CEMIP: variants seen among roughly 807,000 people sequenced by gnomAD.
CEMIP encodes the protein cell migration inducing hyaluronidase 1, also known as cell migration-inducing and hyaluronan-binding protein.
In CEMIP, 105 loss-of-function variants were observed where a neutral mutation model predicts 156.9. The ratio of observed to expected loss-of-function variants is 0.67; its 90% CI spans 0.57 to 0.79. CEMIP has a LOEUF of 0.79. Ranked by LOEUF, CEMIP falls within the 30% of genes least tolerant of loss-of-function variation. CEMIP has a pLI of 0.00. For synonymous variants in CEMIP, 676 were observed against 668.4 expected (o/e 1.01, Z -0.17); for missense variants, 1,457 against 1,769.4 (o/e 0.82, Z 3.17).
intron 1 of CEMIP, among the ~76,000 whole-genome samples, chr15:80,855,886 C>T (rs182044802): frequency 5.3e-5 from 8 of 152,320 alleles, no homozygotes; most frequent in African/African-American, 1.9e-4. Flanking sequence ...CATAGTAAGG[C>T]AGTTGTGTAG....
Position 80,931,997 on chromosome 15 carries a change from C to A in CEMIP, c.2751C>A (p.Cys917Ter). The A allele has an allele frequency of 6.2e-7, 1 of 1,614,110 alleles. No homozygotes were observed. Among genetic ancestry groups the A allele is most frequent in the South Asian group, 1.1e-5 (1 of 91,080 alleles). ...AFRLNNAWQS[C>*]PHNNVTGIAF... is the part of the protein sequence containing the mutation. ...GCCTGAATAATGCCTGGCAGAGCTG[C>A]CCCCATAACAACGTGACCGGCATTG... is the stretch of plus-strand genomic sequence containing the variant. Residue 917 changes from cysteine (C) to a stop codon, truncating the protein, a stop_gained, in exon 22 of 30, where the codon TGC (cysteine) becomes TGA (stop). Transcript: ENST00000394685. LOFTEE classifies it high-confidence loss of function.
intron 1 of CEMIP, among the ~76,000 whole-genome samples, chr15:80,792,159 G>A (rs1056700810): frequency 3.3e-5 from 5 of 152,160 alleles, no homozygotes; most frequent in African/African-American, 1.2e-4. Flanking sequence ...CAAAGGCTGG[G>A]TTCTTCCATT....
Position 80,942,274 on chromosome 15 carries a change from G to A in CEMIP, c.3636G>A (p.Glu1212=), listed in dbSNP as rs770916201. The change falls in exon 27 of 30, where the codon GAG becomes GAA. Residue 1212 remains glutamate (E), a synonymous_variant. Coordinates refer to ENST00000394685, the MANE Select transcript of CEMIP (RefSeq NM_001293298.2). The part of the protein sequence containing the change: ...SQLKTKDHFL[E]VKMESSKQHF... ...AGAAAACAAAGGACCATTTCTTGGA[G>A]GTGAAGATGGAGAGTTCCAAGCAGC... 1.4e-5 allele frequency: 23 copies of A among 1,614,158 alleles called. No individual in the cohort carries two copies. The highest frequency in any genetic ancestry group is 2.7e-5 in the African/African-American group (2 of 75,052).
At chr15:80,809,408 T>G (rs775320030) in intron 1 of CEMIP, among the ~76,000 whole-genome samples, 6 of 152,384 alleles carry the variant, frequency 3.9e-5, no homozygotes, top group African/African-American at 7.2e-5. Flanking sequence ...GACGGAGTGC[T>G]GCTATTAAAT....
intron 21 of CEMIP, among the ~76,000 whole-genome samples, chr15:80,930,908 A>G (rs780641696): frequency 1.3e-5 from 2 of 152,140 alleles, no homozygotes; most frequent in Admixed American, 6.5e-5. Context: ...ATAAGCATAC[A>G]TGTTGGGTTT....
chr15:80,928,025 C>T (rs1181358257), intron 19 of CEMIP, among the ~76,000 whole-genome samples: 1 of 152,130 alleles, frequency 6.6e-6, no homozygotes, highest in African/African-American at 2.4e-5. Context: ...ATTCACCAGG[C>T]CCTTGAGCTT....
intron 1 of CEMIP, among the ~76,000 whole-genome samples, chr15:80,784,924 T>C (rs1895890841): frequency 6.6e-6 from 1 of 152,212 alleles, no homozygotes; most frequent in African/African-American, 2.4e-5. Flanking sequence ...TCAGTTCCCG[T>C]TGTCCGAGTT....
At chr15:80,946,647 G>A in intron 28 of CEMIP, 1 of 369,358 alleles carries the variant, frequency 2.7e-6, no homozygotes, top group Non-Finnish European at 5.2e-6. Context: ...CCGAGCCCTG[G>A]CATGGTACGC....
chr15:80,912,333 G>T (rs1365515039), intron 14 of CEMIP, among the ~76,000 whole-genome samples: 1 of 152,228 alleles, frequency 6.6e-6, no homozygotes, highest in Non-Finnish European at 1.5e-5. Context: ...CTCAGAACCA[G>T]AAGACCCTTG....
At position 80,936,825 on chromosome 15, in the gene CEMIP, C is replaced by A; in HGVS notation, c.3161C>A (p.Thr1054Asn). The part of the protein sequence containing the change: ...QPVVTLQKGY[T>N]IHWDQTAPAE... ...GTTGTCACCCTGCAGAAGGGCTACA[C>A]CATCCACTGGGACCAGACGGCCCCC... Residue 1054 changes from threonine (T) to asparagine (N), a missense_variant, in exon 24 of 30, where the codon ACC becomes AAC. Thr to Asn is a moderately conservative substitution (Grantham distance 65). Around this residue, in one of 5 missense-constraint regions of CEMIP, gnomAD observed 798 missense variants for 980.1 expected, o/e 0.81. Coordinates refer to ENST00000394685, the MANE Select transcript of CEMIP (RefSeq NM_001293298.2). The A allele has an allele frequency of 1.2e-6, 2 of 1,614,182 alleles. No individual in the cohort carries two copies. Among genetic ancestry groups the A allele is most frequent in the Non-Finnish European group, 8.5e-7 (1 of 1,180,060 alleles).
intron 14 of CEMIP, among the ~76,000 whole-genome samples, chr15:80,915,481 C>T (rs563007909): frequency 6.6e-6 from 1 of 152,110 alleles, no homozygotes; most frequent in Non-Finnish European, 1.5e-5. Context: ...CCATATGAGC[C>T]CAAATATGAA....
chr15:80,948,498 G>A, intron 29 of CEMIP: 2 of 441,662 alleles, frequency 4.5e-6, no homozygotes, highest in Non-Finnish European at 8.5e-6. Flanking sequence ...GTTCCTAGGA[G>A]GTCTCCTCCC....
rs759936028 is a variant in CEMIP, at chr15:80,929,169, A to T, written c.2607A>T (p.Ile869=). Residue 869 remains isoleucine, a synonymous_variant, in exon 21 of 30, where the codon ATA becomes ATT. Transcript: ENST00000394685. ...ACCATAGCGGAAGGACCCTCCCTATAGGCCAGTAGGTTTGCAACCATGTAG... is the reference window on the plus strand; with the variant it reads ...ACCATAGCGGAAGGACCCTCCCTATTGGCCAGTAGGTTTGCAACCATGTAG... ...GLDHSGRTLP[I]GQNFPIRGIQ... The T allele has an allele frequency of 6.2e-7, 1 of 1,614,210 alleles. No individual in the cohort carries two copies. The highest frequency in any genetic ancestry group is 8.5e-7 in the Non-Finnish European group (1 of 1,180,028).
rs199927022 is a variant in CEMIP at position 80,933,344 on chromosome 15, G to A, written c.2893G>A (p.Val965Met). Residue 965 changes from valine to methionine, a missense_variant, in exon 23 of 30, where the codon GTG becomes ATG. This residue lies in a region of CEMIP where 798 missense variants were observed against 980.1 expected (regional missense o/e 0.81). Transcript: ENST00000394685. Reference protein sequence around the residue: ...TSVFHDVDGSVSEYPGSYLTK... With the variant: ...TSVFHDVDGSMSEYPGSYLTK... ...TGTGTTCCATGACGTCGACGGCTCC[G>A]TGTCCGAGTACCCTGGCTCCTACCT... 1.4e-5 allele frequency: 22 copies of A among 1,614,190 alleles called. No individual in the cohort carries two copies. Among genetic ancestry groups the A allele is most frequent in the South Asian group, 2.2e-5 (2 of 91,078 alleles).
intron 12 of CEMIP, among the ~76,000 whole-genome samples, chr15:80,897,911 C>A (rs1596169347): frequency 6.6e-6 from 1 of 152,330 alleles, no homozygotes; most frequent in East Asian, 1.9e-4. Context: ...GAAAGGAAGG[C>A]AACAAGGAGC....
At chr15:80,785,927 C>G (rs1023846987) in intron 1 of CEMIP, among the ~76,000 whole-genome samples, 1 of 152,218 alleles carries the variant, frequency 6.6e-6, no homozygotes, top group African/African-American at 2.4e-5. Flanking sequence ...TGCTTCTGAG[C>G]AGCTGTTAGG....
At chr15:80,792,500 C>A (rs77436770) in intron 1 of CEMIP, among the ~76,000 whole-genome samples, 95 of 152,282 alleles carry the variant, frequency 6.2e-4, no homozygotes, top group African/African-American at 2.2e-3. Context: ...AGTTGCTTAT[C>A]CATCCCCTAA....
chr15:80,926,717 C>A (rs1466701736), intron 19 of CEMIP, among the ~76,000 whole-genome samples: 1 of 150,662 alleles, frequency 6.6e-6, no homozygotes, highest in Non-Finnish European at 1.5e-5. Context: ...CAGGCAAGGA[C>A]ATAGGATGGC....
chr15:80,838,281 A>G (rs1323450604), intron 1 of CEMIP, among the ~76,000 whole-genome samples: 2 of 151,694 alleles, frequency 1.3e-5, no homozygotes, highest in Non-Finnish European at 2.9e-5. Context: ...GCCTGTCAGG[A>G]CCCTCCTTCC....
Sources: gnomAD v4.1 joint callset for allele counts (sites outside exome capture counted in the v4.1 genomes callset) on GRCh38, gnomAD v4.1.1 for gene constraint, gnomAD v4.1.1 regional missense constraint, MANE v1.5 for transcripts, NCBI Gene and HGNC (gene_info 2026-07-23, HGNC 2026-07-21) for gene names.